CEP162: variants seen among roughly 807,000 people sequenced by gnomAD.
CEP162 encodes the protein centrosomal protein of 162 kDa.
CEP162 carries 141 observed loss-of-function variants against 169.2 expected under a neutral mutation model. The ratio of observed to expected loss-of-function variants is 0.83; its 90% CI spans 0.73 to 0.96. CEP162 has a LOEUF of 0.96. Ranked by LOEUF, CEP162 falls within the 40% of genes least tolerant of loss-of-function variation. CEP162 has a pLI of 0.00. For missense variants in CEP162, 1,600 were observed against 1,587.2 expected, an observed-to-expected ratio of 1.01 and a Z score of -0.14; for synonymous variants, 540 against 526.4, an observed-to-expected ratio of 1.03 and a Z score of -0.35.
intron 13 of CEP162, among the ~76,000 whole-genome samples, chr6:84,176,254 T>C (rs547361762): frequency 6.6e-6 from 1 of 152,318 alleles, no homozygotes; most frequent in East Asian, 1.9e-4. Context: ...TTGGAAAATA[T>C]AGAGCAGTCA....
In CEP162 at chr6:84,215,799, C is replaced by G. The variant is rs1588889983; in HGVS notation, c.296G>C (p.Ser99Thr). 1.3e-6 allele frequency: 2 copies of G among 1,591,702 alleles called. No homozygotes were observed. Among genetic ancestry groups the G allele is most frequent in the African/African-American group, 2.7e-5 (2 of 74,668 alleles). Residue 99 changes from serine to threonine, a missense_variant, in exon 4 of 27, where the codon AGT (serine) becomes ACT (threonine). Coordinates refer to ENST00000403245, the MANE Select transcript of CEP162 (RefSeq NM_014895.4). Reference protein sequence around the residue: ...FLKSSGTSLLSTDSLETNELV... With the variant: ...FLKSSGTSLLTTDSLETNELV... ...ACCATTTGTTTCTAAGCTATCAGTA[C>G]TTAAGAGAGAGGTTCCACTGCTCTT... is the stretch of plus-strand genomic sequence containing the variant.
At chr6:84,202,500 C>CT (rs1478301734) in intron 7 of CEP162, among the ~76,000 whole-genome samples, 1 of 116,252 alleles carries the variant, frequency 8.6e-6, no homozygotes, top group African/African-American at 3.2e-5. Flanking sequence ...ATTCATTTTT[C>CT]TTTTCTTTTC....
chr6:84,182,548 C>T (rs2099535365), intron 13 of CEP162, among the ~76,000 whole-genome samples: 3 of 152,180 alleles, frequency 2.0e-5, no homozygotes, highest in Admixed American at 2.0e-4. Context: ...CGTACTCAAC[C>T]CCCTGAACTC....
intron 2 of CEP162, 54 bp downstream of exon 2, chr6:84,226,283 G>A (rs2099555721): frequency 3.5e-6 from 4 of 1,149,646 alleles, no homozygotes; most frequent in Non-Finnish European, 5.1e-6. Context: ...AGAATTGAAG[G>A]ATGAGTCTTT....
At chr6:84,146,874 C>CTCT in intron 24 of CEP162, 89 bp from the exon 25 acceptor site, 1 of 562,554 alleles carries the variant, frequency 1.8e-6, no homozygotes, top group South Asian at 3.2e-5. Flanking sequence ...CAAAAGGGAA[C>CTCT]TCTTATATAC....
At chr6:84,179,519 G>GT (rs1036855010) in intron 13 of CEP162, among the ~76,000 whole-genome samples, 11 of 150,778 alleles carry the variant, frequency 7.3e-5, no homozygotes, top group Non-Finnish European at 1.2e-4. Context: ...TGATGGGGTT[G>GT]TTTTTTTTCT....
chr6:84,224,632 C>G (rs191022913), intron 2 of CEP162, among the ~76,000 whole-genome samples: 1 of 151,886 alleles, frequency 6.6e-6, no homozygotes, highest in Admixed American at 6.6e-5. Context: ...ATTGTTTGAA[C>G]AATAATTTAT....
intron 21 of CEP162, among the ~76,000 whole-genome samples, chr6:84,157,149 G>C (rs1426565460): frequency 3.9e-5 from 6 of 151,972 alleles, no homozygotes; most frequent in Non-Finnish European, 8.8e-5. Context: ...CATATATATG[G>C]TCACAAATAT....
At chr6:84,155,578 T>A (rs546231730) in intron 21 of CEP162, 68 bp from the exon 22 acceptor site, 10 of 1,066,552 alleles carry the variant, frequency 9.4e-6, no homozygotes, top group Non-Finnish European at 1.2e-5. Context: ...AGTTTCAGGA[T>A]ACAATCTACA....
chr6:84,161,781 C>T lies in CEP162; in HGVS notation c.2641G>A (p.Glu881Lys). Residue 881 changes from glutamate (E) to lysine (K), a missense_variant, in exon 20 of 27, where the codon GAA (glutamate) becomes AAA (lysine). Transcript: ENST00000403245. ...LLDKDALRLR[E>K]ANEEIEKLKL... The stretch of plus-strand genomic sequence containing the variant: ...AGCTTCTCAATTTCCTCATTTGCTT[C>T]TCTAAGCCGAAGTGCATCTTTATCC... The T allele has an allele frequency of 6.3e-7, 1 of 1,599,318 alleles. No homozygotes were observed. The highest frequency in any genetic ancestry group is 8.5e-7 in the Non-Finnish European group (1 of 1,172,364).
In CEP162 at chr6:84,163,253, T is replaced by C. The variant is rs2099526476; in HGVS notation, c.2403A>G (p.Leu801=). Residue 801 remains leucine, a synonymous_variant, in exon 19 of 27, where the codon TTA becomes TTG. Transcript: ENST00000403245. The part of the protein sequence containing the change: ...LRMAQKEKDS[L]LEDIKRLKQD... The stretch of plus-strand genomic sequence containing the variant: ...GTTTCAGTCTTTTGATGTCTTCCAA[T>C]AAACTGTCTTTTTCTTTCTTGATAT... 1 of 1,606,814 alleles carries C rather than the reference T, an allele frequency of 6.2e-7. No homozygotes were observed. Among genetic ancestry groups the C allele is most frequent in the Non-Finnish European group, 8.5e-7 (1 of 1,175,452 alleles).
chr6:84,211,251 A>C (rs1427536447), intron 6 of CEP162, among the ~76,000 whole-genome samples: 2 of 151,792 alleles, frequency 1.3e-5, no homozygotes, highest in Non-Finnish European at 2.9e-5. Flanking sequence ...GGATTGGGCC[A>C]GGCATGGTGG....
chr6:84,195,577 T>A (rs1374081398), intron 9 of CEP162, among the ~76,000 whole-genome samples: 2 of 152,244 alleles, frequency 1.3e-5, no homozygotes, highest in East Asian at 3.8e-4. Context: ...TTGTATTTAG[T>A]TCTCTTCAAC....
chr6:84,222,324 T>C (rs1044283477), intron 2 of CEP162, among the ~76,000 whole-genome samples: 1 of 152,186 alleles, frequency 6.6e-6, no homozygotes, highest in African/African-American at 2.4e-5. Flanking sequence ...ACCTTGACTT[T>C]AGTAGCATCA....
intron 25 of CEP162, among the ~76,000 whole-genome samples, chr6:84,134,001 G>T (rs1315190523): frequency 9.2e-5 from 14 of 152,090 alleles, no homozygotes; most frequent in Admixed American, 8.5e-4. Context: ...TTTCAGATGG[G>T]GGTTTTTTCT....
intron 13 of CEP162, among the ~76,000 whole-genome samples, chr6:84,184,834 A>G (rs1057176247): frequency 9.2e-5 from 14 of 151,792 alleles, no homozygotes; most frequent in Non-Finnish European, 1.9e-4. Context: ...TTCTGCTTGC[A>G]TGTTGAATAG....
chr6:84,209,738 T>C (rs1360978342), intron 6 of CEP162, among the ~76,000 whole-genome samples: 1 of 152,190 alleles, frequency 6.6e-6, no homozygotes, highest in Admixed American at 6.5e-5. Context: ...TGATTTCTGA[T>C]TGGGAAAAGT....
chr6:84,149,652 C>T lies in CEP162; in HGVS notation c.3681G>A (p.Gln1227=), dbSNP rs779177462. Residue 1227 remains glutamine (Q), a synonymous_variant, in exon 24 of 27, where the codon CAG becomes CAA. Coordinates refer to ENST00000403245, the MANE Select transcript of CEP162 (RefSeq NM_014895.4). ...GGCAAAGGAGTTTCTCTATTTCTCT[C>T]TGATGAGATGCTTTGAGGGATGCAA... ...AHIASLKASH[Q]REIEKLLCQN... is the part of the protein sequence containing the mutation. 1.3e-6 allele frequency: 2 copies of T among 1,597,152 alleles called. No homozygotes were observed. Among genetic ancestry groups the T allele is most frequent in the Non-Finnish European group, 1.7e-6 (2 of 1,170,696 alleles).
chr6:84,179,774 C>T (rs911310900), intron 13 of CEP162, among the ~76,000 whole-genome samples: 1 of 151,930 alleles, frequency 6.6e-6, no homozygotes, highest in African/African-American at 2.4e-5. Flanking sequence ...ACACATACAC[C>T]ATCCCAAGAC....
Sources: gnomAD v4.1 joint callset for allele counts (sites outside exome capture counted in the v4.1 genomes callset) on GRCh38, gnomAD v4.1.1 for gene constraint, MANE v1.5 for transcripts, NCBI Gene and HGNC (gene_info 2026-07-23, HGNC 2026-07-21) for gene names.